The following ABHD12 variants were observed in gnomAD, a reference collection of about 807,000 sequenced individuals.
The protein encoded by ABHD12 is abhydrolase domain containing 12, lysophospholipase.
Under a neutral mutation model 58.3 loss-of-function variants are expected in ABHD12, and 43 were observed. That is an observed-to-expected ratio of 0.74 (90% CI 0.58 to 0.95). ABHD12 has a LOEUF of 0.95. Among genes scored for constraint, ABHD12 ranks in the 40% least tolerant of loss-of-function variants. The pLI is 0.00. For missense variants in ABHD12, 539 were observed against 537.2 expected (o/e 1.00, Z -0.03); for synonymous variants, 219 against 211.2 (o/e 1.04, Z -0.32).
At chr20:25,365,921 T>TCC (rs904198009) in intron 1 of ABHD12, among the ~76,000 whole-genome samples, 1 of 152,114 alleles carries the variant, frequency 6.6e-6, no homozygotes, top group Non-Finnish European at 1.5e-5. Flanking sequence ...GTGCCTATAC[T>TCC]CCCAGCTACT....
At chr20:25,374,393 C>A (rs574556042) in intron 1 of ABHD12, among the ~76,000 whole-genome samples, 3 of 152,304 alleles carry the variant, frequency 2.0e-5, no homozygotes, top group Non-Finnish European at 4.4e-5. Context: ...TTACCTCACA[C>A]ATTATGGTTT....
chr20:25,355,651 C>T (rs976171613), intron 1 of ABHD12, among the ~76,000 whole-genome samples: 93 of 152,214 alleles, frequency 6.1e-4, no homozygotes, highest in Middle Eastern at 6.8e-3. Context: ...CTCCGCCTCC[C>T]GGGTTCAAGC....
At chr20:25,387,667 G>A (rs1215358748) in intron 1 of ABHD12, among the ~76,000 whole-genome samples, 2 of 151,134 alleles carry the variant, frequency 1.3e-5, no homozygotes, top group Non-Finnish European at 2.9e-5. Flanking sequence ...CTGAGCCCAG[G>A]AGGTCTGGGC....
chr20:25,352,952 T>C (rs1007464129), intron 1 of ABHD12, among the ~76,000 whole-genome samples: 3 of 152,076 alleles, frequency 2.0e-5, no homozygotes, highest in Admixed American at 2.0e-4. Flanking sequence ...GCTGAGTCTG[T>C]AGTGAGCTAT....
chr20:25,300,997 C>G lies in ABHD12; in HGVS notation c.1158-113G>C, dbSNP rs1412296734. ...AGAGGCTGTGCAGAGAGGAGGCAGCCAAGAGCCCCATGAGGATGCGCTGTA... is the reference window on the plus strand; with the variant it reads ...AGAGGCTGTGCAGAGAGGAGGCAGCGAAGAGCCCCATGAGGATGCGCTGTA... On this transcript the variant is annotated intron_variant, in intron 12 of 12. Coordinates refer to ENST00000339157, the MANE Select transcript of ABHD12 (RefSeq NM_001042472.3). The G allele has an allele frequency of 5.3e-6, 6 of 1,122,566 alleles. No homozygotes were observed. The East Asian group carries it at 1.5e-4, about 29-fold the overall frequency. 69.5% of individuals were successfully genotyped at this position (1,122,566 alleles called of 1,614,324 possible).
At chr20:25,352,822 T>C (rs2089619029) in intron 1 of ABHD12, among the ~76,000 whole-genome samples, 2 of 152,046 alleles carry the variant, frequency 1.3e-5, no homozygotes, top group African/African-American at 4.8e-5. Context: ...AGCAAGAGAA[T>C]AGCTTGAGGA....
chr20:25,298,271 T>G (rs2088582189), downstream of ABHD12, among the ~76,000 whole-genome samples: 1 of 152,108 alleles, frequency 6.6e-6, no homozygotes, highest in Non-Finnish European at 1.5e-5. Flanking sequence ...CTAGTTTTGT[T>G]TTTTTGTTTT....
At chr20:25,367,022 G>C (rs1010521657) in intron 1 of ABHD12, among the ~76,000 whole-genome samples, 1 of 152,054 alleles carries the variant, frequency 6.6e-6, no homozygotes, top group Admixed American at 6.5e-5. Flanking sequence ...CTGAACTTCA[G>C]AATCAGCTTG....
chr20:25,389,581 A>G (rs2090141481), intron 1 of ABHD12, among the ~76,000 whole-genome samples: 1 of 152,216 alleles, frequency 6.6e-6, no homozygotes, highest in Admixed American at 6.5e-5. Flanking sequence ...CCAGATAATT[A>G]GGAAACCAGC....
rs75405429 is a variant in ABHD12 at position 25,341,121 on chromosome 20, G to A, written c.192-1770C>T. On this transcript the variant is annotated intron_variant, in intron 1 of 12. Coordinates refer to ENST00000339157, the MANE Select transcript of ABHD12 (RefSeq NM_001042472.3). Reference sequence around the variant, plus strand: ...CCTGGTTCATTCAGAGATCATCATCGAGCGCCTGGCACTCTGAAGTGGTGG... The same window carrying A: ...CCTGGTTCATTCAGAGATCATCATCAAGCGCCTGGCACTCTGAAGTGGTGG... 4.9e-4 allele frequency among the ~76,000 whole-genome samples: 74 copies of A among 152,236 alleles called. 1 individual carries two copies. The East Asian group carries it at 0.012, about 25-fold the overall frequency.
At chr20:25,316,487 G>A (rs1306202110) in intron 5 of ABHD12, among the ~76,000 whole-genome samples, 1 of 152,126 alleles carries the variant, frequency 6.6e-6, no homozygotes, top group South Asian at 2.1e-4. Context: ...CACAAGTAAC[G>A]TAACATTGAA....
intron 3 of ABHD12, among the ~76,000 whole-genome samples, chr20:25,322,383 T>A (rs6138561): frequency 0.48 from 15,065 of 31,418 alleles, 2,503 homozygotes; most frequent in East Asian, 0.54. Flanking sequence ...ATATATATAT[T>A]TTTTTTTTTT....
intron 1 of ABHD12, among the ~76,000 whole-genome samples, chr20:25,388,439 G>A (rs1600895419): frequency 6.6e-6 from 1 of 152,288 alleles, no homozygotes; most frequent in East Asian, 1.9e-4. Context: ...ACAATCTCGA[G>A]TGATAACAAG....
chr20:25,363,086 T>C (rs1162922795), intron 1 of ABHD12, among the ~76,000 whole-genome samples: 1 of 152,166 alleles, frequency 6.6e-6, no homozygotes, highest in African/African-American at 2.4e-5. Flanking sequence ...CAATAATGTC[T>C]AGAACATTCA....
intron 9 of ABHD12, among the ~76,000 whole-genome samples, chr20:25,307,396 A>G (rs548608844): frequency 6.6e-6 from 1 of 152,244 alleles, no homozygotes; most frequent in Non-Finnish European, 1.5e-5. Context: ...AGGCCCGAGA[A>G]TCCATGGCCA....
chr20:25,345,333 C>T (rs1271356281), intron 1 of ABHD12, among the ~76,000 whole-genome samples: 1 of 152,170 alleles, frequency 6.6e-6, no homozygotes, highest in Non-Finnish European at 1.5e-5. Flanking sequence ...GATCCGCCCA[C>T]CTCAGCCTCC....
chr20:25,322,381 A>ATTTTTTTTTTTT (rs199757666), intron 3 of ABHD12, among the ~76,000 whole-genome samples: 3 of 59,266 alleles, frequency 5.1e-5, no homozygotes, highest in Middle Eastern at 9.4e-3. Flanking sequence ...ATATATATAT[A>ATTTTTTTTTTTT]TTTTTTTTTT....
intron 1 of ABHD12, among the ~76,000 whole-genome samples, chr20:25,376,200 G>C (rs1039455348): frequency 6.6e-6 from 1 of 152,174 alleles, no homozygotes; most frequent in Admixed American, 6.5e-5. Context: ...CAAAATTGTT[G>C]AGGAAAAGTG....
At chr20:25,336,794 G>A (rs920992578) in intron 2 of ABHD12, among the ~76,000 whole-genome samples, 4 of 152,210 alleles carry the variant, frequency 2.6e-5, no homozygotes, top group South Asian at 2.1e-4. Flanking sequence ...GTGGCTTCCC[G>A]GGGAGGACAG....
Sources: gnomAD v4.1 joint callset for allele counts (sites outside exome capture counted in the v4.1 genomes callset) on GRCh38, gnomAD v4.1.1 for gene constraint, MANE v1.5 for transcripts, NCBI Gene and HGNC (gene_info 2026-07-23, HGNC 2026-07-21) for gene names.